Variants in AAK1 observed in about 807,000 individuals in gnomAD.
The protein encoded by AAK1 is AP2 associated kinase 1, also known as AP2-associated protein kinase 1.
A neutral mutation model predicts 116.0 loss-of-function variants in AAK1; 37 were observed. That is an observed-to-expected ratio of 0.32 (90% CI 0.25 to 0.42). The LOEUF is 0.42. Among genes scored for constraint, AAK1 ranks in the 10% least tolerant of loss-of-function variants. AAK1 has a pLI of 1.00. For synonymous variants in AAK1, 458 were observed against 439.9 expected, an observed-to-expected ratio of 1.04 and a Z score of -0.51; for missense variants, 919 against 1,170.6, an observed-to-expected ratio of 0.79 and a Z score of 3.14.
In AAK1 at chr2:69,464,486, C is replaced by A. The variant is rs1674425730; in HGVS notation, c.*11383G>T. The A allele has an allele frequency of 6.6e-6, 1 of 152,530 alleles. No homozygotes were observed. Among genetic ancestry groups the A allele is most frequent in the Non-Finnish European group, 1.5e-5 (1 of 68,024 alleles). 9.4% of individuals were successfully genotyped at this position (152,530 alleles called of 1,614,324 possible). ...CAGTTCCAGCAGGATTTCCCTACAC[C>A]TTCCAACGTATTCTACTTTGCCATG... On this transcript the variant is annotated 3_prime_UTR_variant, in exon 22 of 22. Coordinates refer to ENST00000409085, the MANE Select transcript of AAK1 (RefSeq NM_014911.5).
At chr2:69,594,279 C>T (rs997891988) in intron 2 of AAK1, among the ~76,000 whole-genome samples, 36 of 152,136 alleles carry the variant, frequency 2.4e-4, no homozygotes, top group Admixed American at 6.6e-5. Flanking sequence ...CATCTGGCAC[C>T]CACATAAGGG....
chr2:69,489,445 C>T (rs997862816), intron 17 of AAK1, among the ~76,000 whole-genome samples: 3 of 114,260 alleles, frequency 2.6e-5, no homozygotes, highest in African/African-American at 1.0e-4. Context: ...AGCGAGACTC[C>T]GTCTCAAAAA....
chr2:69,497,904 G>A (rs917866802), intron 16 of AAK1, among the ~76,000 whole-genome samples: 15 of 152,046 alleles, frequency 9.9e-5, no homozygotes, highest in African/African-American at 2.4e-4. Flanking sequence ...CAGTTGTTAC[G>A]TGGCCCTATT....
chr2:69,526,597 C>A (rs1477717949), intron 9 of AAK1, among the ~76,000 whole-genome samples: 2 of 152,170 alleles, frequency 1.3e-5, no homozygotes, highest in African/African-American at 4.8e-5. Flanking sequence ...CGTGAGCCAC[C>A]ATGCCCAGCC....
At chr2:69,554,222 A>G (rs1172766489) in intron 3 of AAK1, among the ~76,000 whole-genome samples, 1 of 152,218 alleles carries the variant, frequency 6.6e-6, no homozygotes, top group East Asian at 1.9e-4. Flanking sequence ...TCAGAGAATA[A>G]TCAGCCGAGG....
Position 69,530,610 on chromosome 2 carries a change from T to C in AAK1, c.738+15A>G. The C allele has an allele frequency of 6.2e-7, 1 of 1,607,940 alleles. No individual in the cohort carries two copies. The highest frequency in any genetic ancestry group is 8.5e-7 in the Non-Finnish European group (1 of 1,174,522). On this transcript the variant is annotated intron_variant, in intron 7 of 21. Transcript: ENST00000409085. ...TGCTGCTATCTGAGGTATGGATAGG[T>C]TACCTGACACCTACCCAAATGTCTG...
At chr2:69,619,910 C>T (rs1002153888) in intron 2 of AAK1, among the ~76,000 whole-genome samples, 1 of 152,116 alleles carries the variant, frequency 6.6e-6, no homozygotes, top group African/African-American at 2.4e-5. Flanking sequence ...AACGGTGGGG[C>T]AGAGCATAGC....
chr2:69,523,757 T>C (rs1024558414), intron 10 of AAK1, among the ~76,000 whole-genome samples: 3 of 152,236 alleles, frequency 2.0e-5, no homozygotes, highest in Non-Finnish European at 4.4e-5. Flanking sequence ...CCTGGTGCCA[T>C]GCTTCCCATA....
intron 2 of AAK1, among the ~76,000 whole-genome samples, chr2:69,607,377 G>A (rs1673855992): frequency 6.6e-6 from 1 of 151,964 alleles, no homozygotes; most frequent in Non-Finnish European, 1.5e-5. Flanking sequence ...TAAGAGGAGG[G>A]GTCATCGTAT....
At chr2:69,520,452 A>G (rs1046903021) in intron 11 of AAK1, among the ~76,000 whole-genome samples, 1 of 144,866 alleles carries the variant, frequency 6.9e-6, no homozygotes, top group Non-Finnish European at 1.5e-5. Flanking sequence ...TCTGCCTCCC[A>G]GGTTCAAGCG....
chr2:69,563,436 G>C (rs559151437), intron 2 of AAK1, among the ~76,000 whole-genome samples: 9 of 152,338 alleles, frequency 5.9e-5, no homozygotes, highest in Admixed American at 5.9e-4. Flanking sequence ...TTCTGGGTTT[G>C]CTGCCAAAGA....
intron 2 of AAK1, among the ~76,000 whole-genome samples, chr2:69,570,071 T>C (rs1409934739): frequency 1.3e-5 from 2 of 152,144 alleles, no homozygotes; most frequent in Non-Finnish European, 2.9e-5. Flanking sequence ...AACAACGTGA[T>C]TGTACCATTG....
chr2:69,497,968 A>T (rs1465983532), intron 16 of AAK1, among the ~76,000 whole-genome samples: 1 of 151,260 alleles, frequency 6.6e-6, no homozygotes, highest in Non-Finnish European at 1.5e-5. Context: ...TGTCACCCAT[A>T]CCTCTGGCTC....
Position 69,519,231 on chromosome 2 carries a change from T to G in AAK1, c.1220A>C (p.Asn407Thr), listed in dbSNP as rs781603039. Residue 407 changes from asparagine to threonine, a missense_variant, in exon 12 of 22, where the codon AAT becomes ACT. This residue lies in a region of AAK1 where 214 missense variants were observed against 210.6 expected (regional missense o/e 1.02). Transcript: ENST00000409085. ...QPPPQAAGSS[N>T]QPGLLASVPQ... is the part of the protein sequence containing the mutation. The stretch of plus-strand genomic sequence containing the variant: ...AACACTGGCTAAAAGGCCAGGCTGA[T>G]TGCTGGATCCTGCAATGAGAATAAA... 1.9e-6 allele frequency: 3 copies of G among 1,578,076 alleles called. No individual in the cohort carries two copies. In the East Asian group the frequency reaches 6.9e-5, roughly 36 times the overall value.
At chr2:69,610,029 C>T (rs372630517) in intron 2 of AAK1, among the ~76,000 whole-genome samples, 62 of 125,856 alleles carry the variant, frequency 4.9e-4, no homozygotes, top group African/African-American at 1.5e-3. Flanking sequence ...CCAGCCTGGG[C>T]GACAGAGTGA....
chr2:69,501,078 T>C (rs1675963567), intron 16 of AAK1, among the ~76,000 whole-genome samples: 1 of 152,132 alleles, frequency 6.6e-6, no homozygotes, highest in South Asian at 2.1e-4. Context: ...AGACAAACTA[T>C]ATCCTACCCA....
chr2:69,498,874 T>C (rs540064466), intron 16 of AAK1, among the ~76,000 whole-genome samples: 1 of 152,284 alleles, frequency 6.6e-6, no homozygotes, highest in Admixed American at 6.5e-5. Context: ...ATTCCTCAGG[T>C]GTGCAGGAAC....
intron 17 of AAK1, among the ~76,000 whole-genome samples, chr2:69,492,676 C>T (rs753807676): frequency 1.2e-4 from 18 of 151,604 alleles, no homozygotes; most frequent in Non-Finnish European, 2.4e-4. Context: ...GCGCATGCCA[C>T]CACGCCTGGC....
rs763946996 is a variant in AAK1 at position 69,532,027 on chromosome 2, G to C, written c.656+14C>G. ...GATTGTGGACAAAACTCCATGAAAG[G>C]AGAAAAAGCTTACTTCTTAATCTCA... is the stretch of plus-strand genomic sequence containing the variant. On this transcript the variant is annotated intron_variant, in intron 6 of 21. Transcript: ENST00000409085. 6.2e-7 allele frequency: 1 copy of C among 1,612,284 alleles called. No homozygotes were observed. The highest frequency in any genetic ancestry group is 8.5e-7 in the Non-Finnish European group (1 of 1,178,678).
Sources: allele counts gnomAD v4.1 joint callset (sites outside exome capture counted in the v4.1 genomes callset), GRCh38; gene constraint gnomAD v4.1.1; regional missense constraint gnomAD v4.1.1; transcripts MANE v1.5; gene names NCBI Gene and HGNC (gene_info 2026-07-23, HGNC 2026-07-21).